ZEB1: variants seen among roughly 807,000 people sequenced by gnomAD.
ZEB1 encodes zinc finger E-box binding homeobox 1.
ZEB1 carries 21 observed loss-of-function variants against 84.9 expected under a neutral mutation model. The ratio of observed to expected loss-of-function variants is 0.25; its 90% confidence interval spans 0.18 to 0.36. The LOEUF is 0.36. Among genes scored for constraint, ZEB1 ranks in the 10% least tolerant of loss-of-function variants. The pLI is 1.00. For synonymous variants in ZEB1, 420 were observed against 471.1 expected (o/e 0.89, Z 1.41); for missense variants, 1,104 against 1,330.2 (o/e 0.83, Z 2.65).
At chr10:31,344,812 A>T (rs529855581) in intron 1 of ZEB1, among the ~76,000 whole-genome samples, 10 of 152,248 alleles carry the variant, frequency 6.6e-5, no homozygotes, top group African/African-American at 2.2e-4. Flanking sequence ...TGAACATATT[A>T]AGGTGGACTC....
chr10:31,319,120 G>A (rs2032911685), upstream of ZEB1: 1 of 723,230 alleles, frequency 1.4e-6, no homozygotes, highest in African/African-American at 1.8e-5. Context: ...AAAGCCGGGA[G>A]TGTCGTAAAC....
At chr10:31,333,009 A>G (rs1045235886) in intron 1 of ZEB1, among the ~76,000 whole-genome samples, 2 of 152,220 alleles carry the variant, frequency 1.3e-5, no homozygotes, top group Admixed American at 1.3e-4. Flanking sequence ...GAATGGTTAT[A>G]AAATGCTATA....
intron 1 of ZEB1, among the ~76,000 whole-genome samples, chr10:31,417,327 TCTC>T (rs953443365): frequency 5.9e-5 from 9 of 152,206 alleles, no homozygotes; most frequent in African/African-American, 1.7e-4. Context: ...ATGTACTCCT[TCTC>T]CTCCTTAAAA....
rs185955877 is a variant in ZEB1 at position 31,443,086 on chromosome 10, G to A, written c.59-17951G>A. Reference sequence around the variant, plus strand: ...GCAAGAAAGTTGAGAGTGTACGTGAGAAGTGATTATAAAAATATAAGATTA... The same window carrying A: ...GCAAGAAAGTTGAGAGTGTACGTGAAAAGTGATTATAAAAATATAAGATTA... On this transcript the variant is annotated intron_variant, in intron 1 of 8. Transcript: ENST00000424869. Among the ~76,000 whole-genome samples, 399 of 152,252 alleles carry A rather than the reference G, an allele frequency of 2.6e-3. 2 individuals are homozygous for A. Among genetic ancestry groups the A allele is most frequent in the African/African-American group, 9.0e-3 (374 of 41,546 alleles).
At chr10:31,518,299 C>T (rs183534565) in intron 6 of ZEB1, among the ~76,000 whole-genome samples, 94 of 152,226 alleles carry the variant, frequency 6.2e-4, no homozygotes, top group African/African-American at 2.0e-3. Context: ...CTAAAACCCA[C>T]ATCCTGTGCA....
chr10:31,368,209 C>T (rs190315327), intron 1 of ZEB1, among the ~76,000 whole-genome samples: 24 of 152,160 alleles, frequency 1.6e-4, no homozygotes, highest in Admixed American at 1.4e-3. Context: ...GGCTTGAGTG[C>T]GCTGGTACAA....
intron 1 of ZEB1, among the ~76,000 whole-genome samples, chr10:31,349,264 A>T (rs2040876768): frequency 6.6e-6 from 1 of 152,210 alleles, no homozygotes; most frequent in Admixed American, 6.5e-5. Context: ...TTCTCTTTGA[A>T]GGAAGAATAG....
At chr10:31,335,285 G>T (rs1269125479) in intron 1 of ZEB1, among the ~76,000 whole-genome samples, 1 of 152,050 alleles carries the variant, frequency 6.6e-6, no homozygotes, top group African/African-American at 2.4e-5. Flanking sequence ...ACCATTGGTA[G>T]CCGTCTTGGT....
chr10:31,435,811 C>T (rs2058230014), intron 1 of ZEB1, among the ~76,000 whole-genome samples: 1 of 152,148 alleles, frequency 6.6e-6, no homozygotes, highest in Admixed American at 6.5e-5. Context: ...ATACATTTTG[C>T]TTTACATTTT....
intron 1 of ZEB1, among the ~76,000 whole-genome samples, chr10:31,448,592 G>A (rs1035528623): frequency 1.2e-3 from 185 of 151,476 alleles, no homozygotes; most frequent in African/African-American, 4.2e-3. Context: ...TGGGTTTTCG[G>A]TGTGGATGTC....
chr10:31,447,972 TG>T, intron 1 of ZEB1, among the ~76,000 whole-genome samples: 1 of 151,904 alleles, frequency 6.6e-6, no homozygotes, highest in South Asian at 2.1e-4. Context: ...CTTGCTAGAT[TG>T]GGGAAGTTCT....
intron 1 of ZEB1, among the ~76,000 whole-genome samples, chr10:31,404,760 T>G (rs1017696301): frequency 6.6e-6 from 1 of 152,084 alleles, no homozygotes; most frequent in Non-Finnish European, 1.5e-5. Flanking sequence ...AATCTGAAGA[T>G]AGTAGCATGC....
At chr10:31,361,013 C>T in intron 1 of ZEB1, 3 of 1,609,166 alleles carry the variant, frequency 1.9e-6, no homozygotes, top group Non-Finnish European at 2.5e-6. Context: ...CTTTACAAGG[C>T]TCCTGCTTAC....
chr10:31,384,962 T>C (rs78655941), intron 1 of ZEB1, among the ~76,000 whole-genome samples: 2,448 of 152,284 alleles, frequency 0.016, 56 homozygotes, highest in African/African-American at 0.056. Flanking sequence ...TTTTCACCCC[T>C]TCCCCCCAAA....
upstream of ZEB1, chr10:31,319,018 A>C: frequency 1.7e-6 from 1 of 589,156 alleles, no homozygotes. Flanking sequence ...CAAATTCAGC[A>C]GTGCCCACGG....
chr10:31,447,588 G>A (rs2136891231), intron 1 of ZEB1, among the ~76,000 whole-genome samples: 1 of 135,166 alleles, frequency 7.4e-6, no homozygotes, highest in Non-Finnish European at 1.6e-5. Flanking sequence ...CTTCCTTCAG[G>A]AGCTCTTTTA....
chr10:31,373,003 GT>G (rs767623100), intron 1 of ZEB1: 20 of 985,080 alleles, frequency 2.0e-5, no homozygotes, highest in Non-Finnish European at 2.4e-5. Flanking sequence ...ACTTAATAAA[GT>G]TTGGGTAATT....
intron 1 of ZEB1, among the ~76,000 whole-genome samples, chr10:31,448,939 A>G (rs1173035553): frequency 5.3e-5 from 8 of 152,172 alleles, no homozygotes; most frequent in Non-Finnish European, 1.2e-4. Flanking sequence ...GGTGGGCTCC[A>G]CCCAGTTGGA....
intron 1 of ZEB1, among the ~76,000 whole-genome samples, chr10:31,414,492 A>G (rs146196669): frequency 6.6e-6 from 1 of 152,320 alleles, no homozygotes; most frequent in Non-Finnish European, 1.5e-5. Flanking sequence ...TAGCTCCTAT[A>G]AAAACATAAA....
Sources: allele counts gnomAD v4.1 joint callset (sites outside exome capture counted in the v4.1 genomes callset), GRCh38; gene constraint gnomAD v4.1.1; transcripts MANE v1.5; gene names NCBI Gene and HGNC (gene_info 2026-07-23, HGNC 2026-07-21).